LRP1B: variants seen among roughly 807,000 people sequenced by gnomAD.
LRP1B encodes LDL receptor related protein 1B.
LRP1B carries 217 observed loss-of-function variants against 556.6 expected under a neutral mutation model. The observed-to-expected ratio is 0.39, with a 90% CI of 0.35 to 0.44. The LOEUF (loss-of-function observed/expected upper bound fraction) is 0.44, where lower values mean the gene tolerates loss of function less well. Ranked by LOEUF, LRP1B falls within the 20% of genes least tolerant of loss-of-function variation. The pLI is 1.00. For synonymous variants in LRP1B, 2,047 were observed against 1,865.8 expected (o/e 1.10, Z -2.50); for missense variants, 5,053 against 5,620.8 (o/e 0.90, Z 3.23).
At chr2:141,359,770 G>A (rs1002554791) in intron 3 of LRP1B, among the ~76,000 whole-genome samples, 4 of 46,806 alleles carry the variant, frequency 8.5e-5, no homozygotes, top group Non-Finnish European at 1.2e-4. Context: ...GCCCCGCCCC[G>A]CCCCGCCCCG....
chr2:141,408,292 G>A (rs1376029367), intron 3 of LRP1B, among the ~76,000 whole-genome samples: 3 of 151,736 alleles, frequency 2.0e-5, no homozygotes, highest in East Asian at 1.9e-4. Context: ...ACAGGTACCC[G>A]CCACCACGCG....
At chr2:140,936,449 T>C (rs148459239) in intron 20 of LRP1B, among the ~76,000 whole-genome samples, 190 of 151,906 alleles carry the variant, frequency 1.3e-3, no homozygotes, top group African/African-American at 4.4e-3. Context: ...CCCTTCAAAA[T>C]TGAAGGTGAA....
At chr2:140,260,639 T>C (rs974361120) in intron 86 of LRP1B, among the ~76,000 whole-genome samples, 2 of 151,856 alleles carry the variant, frequency 1.3e-5, no homozygotes, top group East Asian at 1.9e-4. Context: ...ATTGTTTTTT[T>C]ATTTGTTTCT....
rs150224230 is a variant in LRP1B at position 141,061,940 on chromosome 2, T to C, written c.1236+111A>G. 6.3e-4 allele frequency: 494 copies of C among 788,342 alleles called. 2 individuals are homozygous for C. The African/African-American group carries it at 7.2e-3, about 11-fold the overall frequency. 48.8% of individuals were successfully genotyped at this position (788,342 alleles called of 1,614,324 possible). A position where few individuals can be genotyped will look rare whatever the true frequency, so the allele number is the denominator to read the frequency against. On this transcript the variant is annotated intron_variant, in intron 8 of 90. Coordinates refer to ENST00000389484, the MANE Select transcript of LRP1B (RefSeq NM_018557.3). ...CAATATAGGAAATATACTGTAATTT[T>C]TATGACTCATTGCAGCTCGACTTTA...
In LRP1B at chr2:141,930,313, A is replaced by G. The variant is rs150174455; in HGVS notation, c.83-119912T>C. 7.7e-4 allele frequency among the ~76,000 whole-genome samples: 117 copies of G among 152,202 alleles called. 1 individual carries two copies. Among genetic ancestry groups the G allele is most frequent in the African/African-American group, 2.8e-3 (115 of 41,562 alleles). On this transcript the variant is annotated intron_variant, in intron 1 of 90. Coordinates refer to ENST00000389484, the MANE Select transcript of LRP1B (RefSeq NM_018557.3). ...TCATTATAATGACCATATTCCCCTT[A>G]GCTTAATTTTTACATTTTTAAAAAC... is the stretch of plus-strand genomic sequence containing the variant.
intron 45 of LRP1B, 84 bp from the exon 46 acceptor site, chr2:140,536,793 A>T (rs1480217257): frequency 3.0e-6 from 3 of 1,011,654 alleles, no homozygotes; most frequent in Non-Finnish European, 4.3e-6. Flanking sequence ...TCTTAATTTT[A>T]ATTATAAAGA....
At chr2:140,280,048 C>G (rs1258669167) in intron 84 of LRP1B, among the ~76,000 whole-genome samples, 2 of 151,642 alleles carry the variant, frequency 1.3e-5, no homozygotes, top group African/African-American at 2.4e-5. Flanking sequence ...TTATATTTCA[C>G]TTTTGCTAAG....
intron 2 of LRP1B, among the ~76,000 whole-genome samples, chr2:141,750,194 T>A (rs189746874): frequency 1.1e-3 from 165 of 152,274 alleles, no homozygotes; most frequent in African/African-American, 3.8e-3. Flanking sequence ...AATCCCCAAA[T>A]GTATAACAAC....
At chr2:140,569,838 C>A (rs1681258044) in intron 43 of LRP1B, among the ~76,000 whole-genome samples, 1 of 151,676 alleles carries the variant, frequency 6.6e-6, no homozygotes, top group Non-Finnish European at 1.5e-5. Flanking sequence ...GAAGTCATAC[C>A]AAGTATATTT....
chr2:141,714,177 AT>A (rs1388576211), intron 2 of LRP1B, among the ~76,000 whole-genome samples: 2 of 152,176 alleles, frequency 1.3e-5, no homozygotes, highest in African/African-American at 4.8e-5. Flanking sequence ...ACTCTTTAAT[AT>A]GAAAAACTTC....
intron 68 of LRP1B, among the ~76,000 whole-genome samples, chr2:140,375,733 G>GT (rs1360571314): frequency 4.6e-5 from 7 of 151,782 alleles, no homozygotes; most frequent in Non-Finnish European, 7.4e-5. Flanking sequence ...AGATTTCTTT[G>GT]TTTTTTTGTT....
chr2:140,968,371 G>A (rs2380917), intron 18 of LRP1B, among the ~76,000 whole-genome samples: 128,523 of 151,826 alleles, frequency 0.85, 54,950 homozygotes, highest in Non-Finnish European at 0.9. Flanking sequence ...GGTATTGGTG[G>A]TGATATCCGT....
At chr2:141,172,960 G>A (rs1480862634) in intron 7 of LRP1B, among the ~76,000 whole-genome samples, 2 of 151,384 alleles carry the variant, frequency 1.3e-5, no homozygotes, top group Non-Finnish European at 1.5e-5. Flanking sequence ...CCAAGCCTAT[G>A]TCTTATTTAT....
chr2:141,985,830 G>A (rs953030739), intron 1 of LRP1B, among the ~76,000 whole-genome samples: 31 of 151,716 alleles, frequency 2.0e-4, no homozygotes, highest in Admixed American at 7.9e-4. Flanking sequence ...TAGCAAATAT[G>A]TTTCACCTCA....
intron 55 of LRP1B, among the ~76,000 whole-genome samples, chr2:140,498,488 C>T (rs918031002): frequency 6.6e-5 from 10 of 151,788 alleles, no homozygotes; most frequent in Admixed American, 1.3e-4. Context: ...TAGTTAGATA[C>T]ATTCTATTTG....
intron 2 of LRP1B, among the ~76,000 whole-genome samples, chr2:141,720,867 A>G (rs543422173): frequency 6.6e-6 from 1 of 152,280 alleles, no homozygotes; most frequent in African/African-American, 2.4e-5. Context: ...ATGAGTTGGA[A>G]GAGTATTTCC....
In LRP1B at chr2:141,317,540, T is replaced by C. The variant is rs529101630; in HGVS notation, c.344-62899A>G. ...CTCCAAGTAGAGTCACATTAGGAGT[T>C]AGGACTTCAACATATGCTTTGGGGT... On this transcript the variant is annotated intron_variant, in intron 3 of 90. Coordinates refer to ENST00000389484, the MANE Select transcript of LRP1B (RefSeq NM_018557.3). Among the ~76,000 whole-genome samples, 6 of 152,302 alleles carry C rather than the reference T, an allele frequency of 3.9e-5. No individual in the cohort carries two copies. The East Asian group carries it at 7.7e-4, about 20-fold the overall frequency.
At chr2:140,700,189 T>G in intron 41 of LRP1B, 61 bp downstream of exon 41, 2 of 1,397,942 alleles carry the variant, frequency 1.4e-6, no homozygotes, top group Non-Finnish European at 2.0e-6. Flanking sequence ...CCACTATTAT[T>G]TCTCTAGTAA....
chr2:141,294,060 A>T (rs1686084326), intron 3 of LRP1B, among the ~76,000 whole-genome samples: 1 of 152,158 alleles, frequency 6.6e-6, no homozygotes. Flanking sequence ...GTATTCCAAA[A>T]TTATGTTATA....
Sources: gnomAD v4.1 joint callset for allele counts (sites outside exome capture counted in the v4.1 genomes callset) on GRCh38, gnomAD v4.1.1 for gene constraint, MANE v1.5 for transcripts, NCBI Gene and HGNC (gene_info 2026-07-23, HGNC 2026-07-21) for gene names.